CCDC126: variants seen among roughly 807,000 people sequenced by gnomAD.
The protein encoded by CCDC126 is coiled-coil domain-containing protein 126.
CCDC126 carries 5 observed loss-of-function variants against 11.7 expected under a neutral mutation model. The observed-to-expected ratio is 0.43, with a 90% CI of 0.22 to 0.90. The LOEUF is 0.90. Ranked by LOEUF, CCDC126 falls within the 40% of genes least tolerant of loss-of-function variation. CCDC126 has a pLI of 0.27. For synonymous variants in CCDC126, 60 were observed against 61.9 expected (o/e 0.97, Z 0.14); for missense variants, 150 against 163.1 (o/e 0.92, Z 0.44).
chr7:23,605,990 T>TG (rs1554359813), intron 2 of CCDC126, among the ~76,000 whole-genome samples: 272 of 150,692 alleles, frequency 1.8e-3, no homozygotes, highest in African/African-American at 5.8e-3. Flanking sequence ...CTGTTTTTTT[T>TG]TGTGTGTGTG....
chr7:23,626,503 T>TA (rs112065382), intron 3 of CCDC126, among the ~76,000 whole-genome samples: 2 of 152,038 alleles, frequency 1.3e-5, no homozygotes, highest in African/African-American at 2.4e-5. Flanking sequence ...TAATGGAAAT[T>TA]AAAAAAAATA....
intron 3 of CCDC126, among the ~76,000 whole-genome samples, chr7:23,634,350 C>T (rs1261504354): frequency 6.6e-6 from 1 of 151,664 alleles, no homozygotes; most frequent in Non-Finnish European, 1.5e-5. Flanking sequence ...GGGGAGGGGG[C>T]ACTGAGGTGG....
intron 3 of CCDC126, among the ~76,000 whole-genome samples, chr7:23,632,759 G>T (rs190498828): frequency 1.3e-5 from 2 of 152,138 alleles, no homozygotes; most frequent in Admixed American, 1.3e-4. Flanking sequence ...TGTAAAATGC[G>T]TGGTCCTTGT....
chr7:23,612,146 A>C (rs1444804100), intron 3 of CCDC126, among the ~76,000 whole-genome samples: 1 of 122,130 alleles, frequency 8.2e-6, no homozygotes, highest in Non-Finnish European at 1.6e-5. Flanking sequence ...ACTCCGTCTC[A>C]AAAAAAAAAA....
chr7:23,635,990 C>T (rs1168132515), intron 3 of CCDC126, among the ~76,000 whole-genome samples: 3 of 152,118 alleles, frequency 2.0e-5, no homozygotes, highest in Non-Finnish European at 2.9e-5. Context: ...CTGCCTGATT[C>T]TCCTGCCTCA....
At chr7:23,611,708 A>G (rs1782713887) in intron 3 of CCDC126, among the ~76,000 whole-genome samples, 155 bp downstream of exon 3, 1 of 152,270 alleles carries the variant, frequency 6.6e-6, no homozygotes, top group African/African-American at 2.4e-5. Context: ...AAATAGAGAT[A>G]CTATGATAAA....
intron 2 of CCDC126, among the ~76,000 whole-genome samples, chr7:23,606,585 T>C (rs375559863): frequency 1.3e-5 from 2 of 152,130 alleles, no homozygotes; most frequent in African/African-American, 4.8e-5. Flanking sequence ...GTTGCCCTTC[T>C]TCAGGTCTAG....
chr7:23,610,301 T>G (rs904971638), intron 2 of CCDC126, among the ~76,000 whole-genome samples: 2 of 152,170 alleles, frequency 1.3e-5, no homozygotes, highest in Non-Finnish European at 2.9e-5. Flanking sequence ...ACCCTTAACC[T>G]CTCAGGCTCA....
At chr7:23,628,235 C>T (rs995534995) in intron 3 of CCDC126, among the ~76,000 whole-genome samples, 3 of 151,942 alleles carry the variant, frequency 2.0e-5, no homozygotes, top group Admixed American at 2.0e-4. Flanking sequence ...CAACCAAAAG[C>T]CTTGGACATT....
intron 2 of CCDC126, among the ~76,000 whole-genome samples, chr7:23,601,211 T>C (rs1171131271): frequency 6.6e-6 from 1 of 152,090 alleles, no homozygotes; most frequent in East Asian, 1.9e-4. Flanking sequence ...TAGTGAGACC[T>C]TGTCGCTGCT....
chr7:23,633,645 C>G (rs532514758), intron 3 of CCDC126, among the ~76,000 whole-genome samples: 132 of 152,130 alleles, frequency 8.7e-4, no homozygotes, highest in Non-Finnish European at 1.6e-3. Flanking sequence ...GGGAGGATCA[C>G]TTAAGATCGG....
At chr7:23,622,409 G>T (rs965854366) in intron 3 of CCDC126, 36 of 338,264 alleles carry the variant, frequency 1.1e-4, no homozygotes, top group African/African-American at 7.4e-4. Context: ...TTGTATTTCT[G>T]TGGGATCAGT....
chr7:23,636,749 C>T (rs1364013301), intron 3 of CCDC126, among the ~76,000 whole-genome samples: 3 of 146,060 alleles, frequency 2.1e-5, no homozygotes, highest in Non-Finnish European at 4.5e-5. Context: ...GCCCGGCAGC[C>T]ACCCCGTCCG....
chr7:23,610,439 C>T (rs1584196682), intron 2 of CCDC126, among the ~76,000 whole-genome samples: 3 of 152,134 alleles, frequency 2.0e-5, no homozygotes. Context: ...GTCTCAAACT[C>T]CTGGGCTCTA....
intron 3 of CCDC126, among the ~76,000 whole-genome samples, chr7:23,642,233 C>G (rs1453352737): frequency 5.3e-5 from 8 of 151,974 alleles, no homozygotes; most frequent in Admixed American, 5.2e-4. Flanking sequence ...AGGATGGTCT[C>G]AATCTCCTGA....
intron 3 of CCDC126, among the ~76,000 whole-genome samples, chr7:23,614,853 C>T (rs1782771101): frequency 6.6e-6 from 1 of 152,192 alleles, no homozygotes; most frequent in African/African-American, 2.4e-5. Context: ...TTCAGTAACT[C>T]ATTCTGTAAA....
chr7:23,607,822 G>A (rs991254843), intron 2 of CCDC126, among the ~76,000 whole-genome samples: 4 of 152,106 alleles, frequency 2.6e-5, no homozygotes, highest in East Asian at 1.9e-4. Context: ...CTTCAAGGTC[G>A]TCATGGTGTC....
rs923734283 is a variant in CCDC126, at chr7:23,610,204, G to T, written c.-145-967G>T. Among the ~76,000 whole-genome samples, 38 of 151,994 alleles carry T rather than the reference G, an allele frequency of 2.5e-4. 1 individual carries two copies. The highest frequency in any genetic ancestry group is 9.2e-4 in the African/African-American group (38 of 41,384). On this transcript the variant is annotated intron_variant, in intron 2 of 3. Coordinates refer to ENST00000307471, the MANE Select transcript of CCDC126 (RefSeq NM_138771.4). ...GAAATATAGAAAAATGTTCCAACCTGTTTGTTTGTTTATTTATTTGTTTTT... is the reference window on the plus strand; with the variant it reads ...GAAATATAGAAAAATGTTCCAACCTTTTTGTTTGTTTATTTATTTGTTTTT...
intron 3 of CCDC126, among the ~76,000 whole-genome samples, chr7:23,625,340 G>T (rs1365283040): frequency 1.3e-5 from 2 of 152,166 alleles, no homozygotes; most frequent in African/African-American, 4.8e-5. Flanking sequence ...GGTCAAGGAT[G>T]TGCACACGTT....
Sources: gnomAD v4.1 joint callset for allele counts (sites outside exome capture counted in the v4.1 genomes callset) on GRCh38, gnomAD v4.1.1 for gene constraint, MANE v1.5 for transcripts, NCBI Gene and HGNC (gene_info 2026-07-23, HGNC 2026-07-21) for gene names.